The following CDKN2A variants were observed in gnomAD, a reference collection of about 807,000 sequenced individuals.
The protein encoded by CDKN2A is cyclin-dependent kinase inhibitor 2A.
CDKN2A carries 3 observed loss-of-function variants against 11.1 expected under a neutral mutation model. The observed-to-expected ratio is 0.27, with a 90% CI of 0.12 to 0.70. The LOEUF (loss-of-function observed/expected upper bound fraction) is 0.70, where lower values mean the gene tolerates loss of function less well. Ranked by LOEUF, CDKN2A falls within the 30% of genes least tolerant of loss-of-function variation. The pLI, the probability that CDKN2A is intolerant of heterozygous loss-of-function variation, is 0.77. For synonymous variants in CDKN2A, 122 were observed against 108.1 expected (o/e 1.13, Z -0.80); for missense variants, 265 against 233.6 (o/e 1.13, Z -0.88).
chr9:21,987,672 T>C (rs1820334970), intron 2 of CDKN2A, among the ~76,000 whole-genome samples: 1 of 152,120 alleles, frequency 6.6e-6, no homozygotes. Flanking sequence ...GGTCACATAA[T>C]AATAAAGGGT....
chr9:21,973,012 G>T (rs373654309), intron 1 of CDKN2A, among the ~76,000 whole-genome samples: 1 of 152,142 alleles, frequency 6.6e-6, no homozygotes, highest in Non-Finnish European at 1.5e-5. Flanking sequence ...AACTGACTCA[G>T]TTTTCAAAGA....
intron 2 of CDKN2A, chr9:21,970,610 G>T (rs1346253185): frequency 1.5e-5 from 9 of 593,138 alleles, no homozygotes; most frequent in African/African-American, 5.6e-5. Flanking sequence ...TCATTGCTCC[G>T]CAGTCTAGGC....
intron 2 of CDKN2A, among the ~76,000 whole-genome samples, chr9:21,987,127 T>A (rs1820317850): frequency 6.6e-6 from 1 of 152,092 alleles, no homozygotes; most frequent in Non-Finnish European, 1.5e-5. Flanking sequence ...GTTTTTCTTA[T>A]AATTGTTACT....
intron 2 of CDKN2A, chr9:21,993,811 GT>G: frequency 1.3e-5 from 5 of 396,644 alleles, no homozygotes; most frequent in Non-Finnish European, 2.3e-5. Flanking sequence ...GTGTGTGTGT[GT>G]GTGTGTGTGT....
Position 21,974,707 on chromosome 9 carries a change from G to C in CDKN2A, c.121C>G (p.Pro41Ala), listed in dbSNP as rs765321737. The C allele has an allele frequency of 1.2e-6, 2 of 1,612,966 alleles. No individual in the cohort carries two copies. Among genetic ancestry groups the C allele is most frequent in the African/African-American group, 2.7e-5 (2 of 74,902 alleles). Reference sequence around the variant, plus strand: ...ATCGGCCTCCGACCGTAACTATTCGGTGCGTTGGGCAGCGCCCCCGCCTCC... The same window carrying C: ...ATCGGCCTCCGACCGTAACTATTCGCTGCGTTGGGCAGCGCCCCCGCCTCC... ...LLEAGALPNA[P>A]NSYGRRPIQV... Residue 41 changes from proline (P) to alanine (A), a missense_variant, in exon 1 of 3, where the codon CCG (proline) becomes GCG (alanine). Pro to Ala is a conservative substitution (Grantham distance 27, BLOSUM62 -1). Transcript: ENST00000304494. This position sits in a 1 kb window ranked among gnomAD's most constrained non-coding sequence, Gnocchi z 5.2.
At chr9:21,989,555 C>T (rs1563899862) in intron 2 of CDKN2A, 1 of 152,296 alleles carries the variant, frequency 6.6e-6, no homozygotes, top group East Asian at 1.9e-4. Context: ...CTCCATCTGG[C>T]TTGGAAGGGA....
chr9:21,992,497 G>T, intron 2 of CDKN2A: 3 of 792,780 alleles, frequency 3.8e-6, no homozygotes, highest in Non-Finnish European at 4.6e-6. Flanking sequence ...AACAAAAAAT[G>T]ATCTATTTCA....
At chr9:21,974,937 G>T, upstream of CDKN2A, 1 of 1,424,590 alleles carries the variant, frequency 7.0e-7, no homozygotes. This position sits in a 1 kb window ranked among gnomAD's most constrained non-coding sequence, Gnocchi z 5.2. Flanking sequence ...TCTTCCTCCG[G>T]TGCTGGCGGA....
intron 1 of CDKN2A, 37 bp from the exon 2 acceptor site, chr9:21,971,245 G>A (rs2131097227): frequency 6.3e-7 from 1 of 1,582,908 alleles, no homozygotes; most frequent in South Asian, 1.1e-5. Context: ...GCCAGGGTGG[G>A]GGCCGGCATG....
rs554458149 is a variant in CDKN2A at position 21,986,661 on chromosome 9, T to G, written c.-4+7221A>C. On this transcript the variant is annotated intron_variant, in intron 2 of 3. Transcript: ENST00000494262. ...ATATTGTGATAATTAAATTAGATAA[T>G]GGAAGTTGAAGTGTCCTATTATTGT... 1.3e-3 allele frequency among the ~76,000 whole-genome samples: 199 copies of G among 152,206 alleles called. 1 individual carries two copies. Among genetic ancestry groups the G allele is most frequent in the African/African-American group, 4.5e-3 (186 of 41,572 alleles).
intron 1 of CDKN2A, chr9:21,994,349 G>C: frequency 6.2e-7 from 1 of 1,606,790 alleles, no homozygotes. Context: ...CCGCCTCCAG[G>C]GCCGAGCTCG....
chr9:21,977,283 A>C (rs1416759340), upstream of CDKN2A, among the ~76,000 whole-genome samples: 1 of 152,220 alleles, frequency 6.6e-6, no homozygotes, highest in Non-Finnish European at 1.5e-5. Flanking sequence ...GAGGAGGAAG[A>C]AAGTGGTTGC....
intron 1 of CDKN2A, chr9:21,971,463 C>CA (rs1429354801): frequency 5.8e-6 from 6 of 1,031,060 alleles, no homozygotes; most frequent in African/African-American, 1.6e-5. Context: ...GAGGCACGGG[C>CA]AAAATAGCAA....
intron 2 of CDKN2A, among the ~76,000 whole-genome samples, chr9:21,986,884 T>C (rs910479858): frequency 1.3e-5 from 2 of 151,796 alleles, no homozygotes; most frequent in African/African-American, 4.8e-5. Flanking sequence ...ACTGGGGGAG[T>C]CATTGTTCTC....
intron 2 of CDKN2A, chr9:21,993,851 G>A (rs1305239166): frequency 1.5e-5 from 7 of 477,948 alleles, no homozygotes; most frequent in Non-Finnish European, 2.7e-5. Context: ...GTGTGTCTTA[G>A]TCATTCCCAC....
intron 2 of CDKN2A, among the ~76,000 whole-genome samples, chr9:21,979,951 GA>G (rs1209647406): frequency 6.6e-6 from 1 of 152,150 alleles, no homozygotes; most frequent in Non-Finnish European, 1.5e-5. Flanking sequence ...TTACCATAAA[GA>G]GACAGAAAGA....
chr9:21,973,882 CTCTCTCTT>C (rs1242300014), intron 1 of CDKN2A, among the ~76,000 whole-genome samples: 2 of 152,026 alleles, frequency 1.3e-5, no homozygotes, highest in African/African-American at 4.8e-5. Flanking sequence ...TAATTTTTCT[CTCTCTCTT>C]TCTCTCTTTC....
chr9:21,989,916 G>C (rs1476834140), intron 2 of CDKN2A: 1 of 152,324 alleles, frequency 6.6e-6, no homozygotes, highest in South Asian at 2.1e-4. Flanking sequence ...GGAGGACCTC[G>C]TTCCAGCTGC....
Position 21,974,274 on chromosome 9 carries a change from G to A in CDKN2A, c.150+404C>T, listed in dbSNP as rs1819915542. On this transcript the variant is annotated intron_variant, in intron 1 of 2. Transcript: ENST00000304494. The surrounding 1 kb of genome is among the most constrained non-coding windows in gnomAD (Gnocchi z 5.2). Reference sequence around the variant, plus strand: ...AGATTTCCACTGATAATCCCTCCTAGTAAGAAAGATAAGCTCCATCCAGGT... The same window carrying A: ...AGATTTCCACTGATAATCCCTCCTAATAAGAAAGATAAGCTCCATCCAGGT... 10 of 600,434 alleles carry A rather than the reference G, an allele frequency of 1.7e-5. No homozygotes were observed. The East Asian group carries it at 4.1e-4, about 25-fold the overall frequency. 37.2% of individuals were successfully genotyped at this position (600,434 alleles called of 1,614,324 possible). A position where few individuals can be genotyped will look rare whatever the true frequency, so the allele number is the denominator to read the frequency against.
Sources: gnomAD v4.1 joint callset for allele counts (sites outside exome capture counted in the v4.1 genomes callset) on GRCh38, gnomAD v4.1.1 for gene constraint, Gnocchi (gnomAD v3.1) non-coding constraint, MANE v1.5 for transcripts, NCBI Gene and HGNC (gene_info 2026-07-23, HGNC 2026-07-21) for gene names.